PLEKHM3: variants seen among roughly 807,000 people sequenced by gnomAD.
PLEKHM3 encodes pleckstrin homology domain containing M3, also known as pleckstrin homology domain-containing family M member 3.
In PLEKHM3, 45 loss-of-function variants were observed where a neutral mutation model predicts 81.8. The ratio of observed to expected loss-of-function variants is 0.55; its 90% confidence interval spans 0.43 to 0.71. The LOEUF is 0.71. Ranked by LOEUF, PLEKHM3 falls within the 30% of genes least tolerant of loss-of-function variation. The pLI is 0.00. For missense variants in PLEKHM3, 788 were observed against 924.3 expected, an observed-to-expected ratio of 0.85 and a Z score of 1.91; for synonymous variants, 352 against 356.4, an observed-to-expected ratio of 0.99 and a Z score of 0.14.
At chr2:207,955,202 A>G (rs1023085307) in intron 3 of PLEKHM3, among the ~76,000 whole-genome samples, 3 of 152,190 alleles carry the variant, frequency 2.0e-5, no homozygotes, top group African/African-American at 7.2e-5. Flanking sequence ...TTAGGATAAG[A>G]TGCTTCAATA....
At chr2:207,970,788 AT>A (rs1376789907) in intron 3 of PLEKHM3, among the ~76,000 whole-genome samples, 1 of 152,246 alleles carries the variant, frequency 6.6e-6, no homozygotes, top group Non-Finnish European at 1.5e-5. Context: ...TTTGCACTAA[AT>A]GGCTGAAGAA....
At chr2:207,873,654 G>A (rs568018786) in intron 6 of PLEKHM3, among the ~76,000 whole-genome samples, 2 of 152,210 alleles carry the variant, frequency 1.3e-5, no homozygotes, top group African/African-American at 4.8e-5. Context: ...TTCAAAGAGG[G>A]AAGTAAGGCC....
intron 6 of PLEKHM3, among the ~76,000 whole-genome samples, chr2:207,873,657 G>A (rs533898677): frequency 6.6e-6 from 1 of 152,354 alleles, no homozygotes; most frequent in South Asian, 2.1e-4. Context: ...AAAGAGGGAA[G>A]TAAGGCCTTT....
chr2:207,948,617 C>T (rs1382071045), intron 3 of PLEKHM3, among the ~76,000 whole-genome samples: 7 of 150,434 alleles, frequency 4.7e-5, no homozygotes, highest in African/African-American at 1.7e-4. Flanking sequence ...GATTTCGGCT[C>T]GCTGCAACCT....
At chr2:207,836,595 C>T (rs2092320880) in intron 7 of PLEKHM3, among the ~76,000 whole-genome samples, 1 of 152,214 alleles carries the variant, frequency 6.6e-6, no homozygotes, top group African/African-American at 2.4e-5. Flanking sequence ...GAATTCCTGG[C>T]TGCAGAGTTT....
intron 2 of PLEKHM3, among the ~76,000 whole-genome samples, chr2:207,991,923 G>C (rs1274474921): frequency 1.3e-5 from 2 of 152,162 alleles, no homozygotes; most frequent in East Asian, 3.9e-4. Flanking sequence ...TCAGATAAAA[G>C]AAAAATTACA....
At chr2:207,980,657 C>T (rs1431541994) in intron 2 of PLEKHM3, among the ~76,000 whole-genome samples, 1 of 152,102 alleles carries the variant, frequency 6.6e-6, no homozygotes, top group African/African-American at 2.4e-5. Context: ...CAGCCTTGAC[C>T]TCCCAGGCTC....
chr2:207,874,112 A>G (rs2092548691), intron 6 of PLEKHM3, among the ~76,000 whole-genome samples: 1 of 152,334 alleles, frequency 6.6e-6, no homozygotes, highest in South Asian at 2.1e-4. Flanking sequence ...TTGTGTCTGC[A>G]GTGTCTGTAT....
chr2:207,922,809 C>T (rs371935605), intron 5 of PLEKHM3, among the ~76,000 whole-genome samples: 32 of 145,248 alleles, frequency 2.2e-4, no homozygotes, highest in African/African-American at 8.4e-4. Context: ...GAGACTCCGT[C>T]TCAAAAAAAA....
At chr2:207,892,149 T>C (rs1430952481) in intron 6 of PLEKHM3, among the ~76,000 whole-genome samples, 1 of 152,194 alleles carries the variant, frequency 6.6e-6, no homozygotes, top group African/African-American at 2.4e-5. Flanking sequence ...TCTTGTCTTA[T>C]ACTTTTCTTC....
intron 5 of PLEKHM3, among the ~76,000 whole-genome samples, chr2:207,919,496 G>C (rs774539355): frequency 2.2e-4 from 33 of 152,294 alleles, no homozygotes; most frequent in Middle Eastern, 6.8e-3. Context: ...CCAGGCGAAA[G>C]GTGATGGTGG....
intron 7 of PLEKHM3, among the ~76,000 whole-genome samples, chr2:207,849,129 T>C (rs1425027921): frequency 6.6e-6 from 1 of 151,396 alleles, no homozygotes; most frequent in African/African-American, 2.4e-5. Flanking sequence ...AGGCCAGGAG[T>C]TCGAGACCAG....
chr2:207,953,302 G>C (rs1261784626), intron 3 of PLEKHM3, among the ~76,000 whole-genome samples: 1 of 152,104 alleles, frequency 6.6e-6, no homozygotes, highest in Non-Finnish European at 1.5e-5. Flanking sequence ...TTCACAGTTG[G>C]GAGGAAATAC....
chr2:207,958,876 C>CT (rs917070220), intron 3 of PLEKHM3, among the ~76,000 whole-genome samples: 9 of 152,076 alleles, frequency 5.9e-5, no homozygotes, highest in African/African-American at 2.2e-4. Context: ...CACCACTGCA[C>CT]TTCAGCCTGG....
intron 6 of PLEKHM3, among the ~76,000 whole-genome samples, chr2:207,882,612 CAA>C (rs375414006): frequency 1.2e-4 from 10 of 85,112 alleles, no homozygotes; most frequent in Non-Finnish European, 1.7e-4. Flanking sequence ...AACTCCATCT[CAA>C]AAAAAAAAAA....
At chr2:207,964,206 C>G (rs777534770) in intron 3 of PLEKHM3, among the ~76,000 whole-genome samples, 1 of 149,866 alleles carries the variant, frequency 6.7e-6, no homozygotes, top group African/African-American at 2.5e-5. Context: ...AGTGAGACTC[C>G]GTCTCAAAAA....
chr2:208,006,195 A>G (rs768069918), intron 1 of PLEKHM3, among the ~76,000 whole-genome samples: 3 of 152,298 alleles, frequency 2.0e-5, no homozygotes, highest in Admixed American at 6.5e-5. Flanking sequence ...CCTGAGCTCT[A>G]TAGCCCTCAA....
chr2:207,839,389 A>G (rs1049573063), intron 7 of PLEKHM3, among the ~76,000 whole-genome samples: 3 of 152,206 alleles, frequency 2.0e-5, no homozygotes, highest in African/African-American at 7.2e-5. Flanking sequence ...GAGCAGTGTG[A>G]TTAGTTGCTT....
Position 207,845,819 on chromosome 2 carries a change from TAA to T in PLEKHM3, c.2108+15284_2108+15285del, listed in dbSNP as rs2092379027. On this transcript the variant is annotated intron_variant, in intron 7 of 7. Transcript: ENST00000427836. Reference sequence around the variant, plus strand: ...CTTAGATGGAGCAGTGAGCAAAATATAAAAAGTCTATTCCCTCATGGAGCTTA... The same window carrying T: ...CTTAGATGGAGCAGTGAGCAAAATATAAAGTCTATTCCCTCATGGAGCTTA... Among the ~76,000 whole-genome samples, 12 of 152,372 alleles carry T rather than the reference TAA, an allele frequency of 7.9e-5. No individual in the cohort carries two copies. The South Asian group carries it at 2.3e-3, about 29-fold the overall frequency.
Sources: allele counts gnomAD v4.1 joint callset (sites outside exome capture counted in the v4.1 genomes callset), GRCh38; gene constraint gnomAD v4.1.1; transcripts MANE v1.5; gene names NCBI Gene and HGNC (gene_info 2026-07-23, HGNC 2026-07-21).